The following GPC6 variants were observed in gnomAD, a reference collection of about 807,000 sequenced individuals.
GPC6 encodes the protein glypican-6.
In GPC6, 14 loss-of-function variants were observed where a neutral mutation model predicts 55.2. That is an observed-to-expected ratio of 0.25 (90% CI 0.17 to 0.40). The LOEUF (loss-of-function observed/expected upper bound fraction) is 0.40. Ranked by LOEUF, GPC6 falls within the 10% of genes least tolerant of loss-of-function variation. GPC6 has a pLI of 1.00. For synonymous variants in GPC6, 278 were observed against 259.6 expected (o/e 1.07, Z -0.68); for missense variants, 641 against 708.5 (o/e 0.90, Z 1.08).
intron 4 of GPC6, among the ~76,000 whole-genome samples, chr13:94,062,497 C>A (rs750555987): frequency 6.6e-6 from 1 of 152,006 alleles, no homozygotes; most frequent in Non-Finnish European, 1.5e-5. Flanking sequence ...GTGATCCACC[C>A]GCCTCGACCT....
intron 3 of GPC6, among the ~76,000 whole-genome samples, chr13:93,975,237 C>A (rs1351679132): frequency 6.6e-6 from 1 of 152,206 alleles, no homozygotes; most frequent in Admixed American, 6.5e-5. Flanking sequence ...TTTTTTTAAT[C>A]TATATTTTTT....
intron 1 of GPC6, among the ~76,000 whole-genome samples, chr13:93,430,630 G>C (rs1297169755): frequency 6.6e-6 from 1 of 152,150 alleles, no homozygotes; most frequent in African/African-American, 2.4e-5. Context: ...AGCACTGGCA[G>C]CCATACTGAG....
At chr13:93,567,188 T>C (rs1332935854) in intron 2 of GPC6, among the ~76,000 whole-genome samples, 3 of 152,130 alleles carry the variant, frequency 2.0e-5, no homozygotes, top group African/African-American at 7.2e-5. Context: ...TCAACAGTCG[T>C]ATTAACAATT....
chr13:94,327,131 C>A (rs1299568768), intron 6 of GPC6, among the ~76,000 whole-genome samples: 2 of 152,172 alleles, frequency 1.3e-5, no homozygotes, highest in Non-Finnish European at 2.9e-5. Context: ...TTATCTTTTT[C>A]TCCACATGTA....
intron 4 of GPC6, among the ~76,000 whole-genome samples, chr13:94,175,955 T>G (rs199634290): frequency 0.16 from 12,443 of 77,452 alleles, 579 homozygotes; most frequent in African/African-American, 0.17. Context: ...TATATATATA[T>G]AGAGAGAGAG....
At chr13:94,302,397 G>T (rs992983240) in intron 5 of GPC6, among the ~76,000 whole-genome samples, 4 of 152,062 alleles carry the variant, frequency 2.6e-5, no homozygotes, top group African/African-American at 9.7e-5. Flanking sequence ...ATTCTTGAGG[G>T]TAGAGCCTAA....
intron 2 of GPC6, among the ~76,000 whole-genome samples, chr13:93,603,216 T>C (rs1878099352): frequency 6.6e-6 from 1 of 152,018 alleles, no homozygotes; most frequent in Non-Finnish European, 1.5e-5. Context: ...ACTCTGTTGG[T>C]ATGCTGGTCT....
chr13:93,964,914 A>G (rs1566625524), intron 3 of GPC6, among the ~76,000 whole-genome samples: 1 of 152,294 alleles, frequency 6.6e-6, no homozygotes, highest in South Asian at 2.1e-4. Context: ...CATTCTACAC[A>G]TTGCAGAAAA....
chr13:93,501,396 A>T (rs1387387280), intron 1 of GPC6, among the ~76,000 whole-genome samples: 1 of 152,168 alleles, frequency 6.6e-6, no homozygotes, highest in Non-Finnish European at 1.5e-5. Flanking sequence ...TCTGTGAAGG[A>T]ATCAGGGCTT....
At chr13:93,450,788 C>T in intron 1 of GPC6, 8 of 716,014 alleles carry the variant, frequency 1.1e-5, no homozygotes, top group Non-Finnish European at 1.4e-5. Flanking sequence ...TATGAAAGAT[C>T]TTGTAAGCCA....
chr13:93,249,407 T>C (rs1157396557), intron 1 of GPC6, among the ~76,000 whole-genome samples: 2 of 152,256 alleles, frequency 1.3e-5, no homozygotes, highest in Admixed American at 1.3e-4. Flanking sequence ...TCTGTTGTTC[T>C]GAGTGTTTAG....
Position 93,948,204 on chromosome 13 carries a change from T to A in GPC6, c.712-79525T>A, listed in dbSNP as rs554808782. ...AAATAAAAATTTTAACTGTCAACTG[T>A]GTATTAAAAGAGCCCCCCATTAAAT... On this transcript the variant is annotated intron_variant, in intron 3 of 8. Transcript: ENST00000377047. Among the ~76,000 whole-genome samples, 10 of 152,298 alleles carry A rather than the reference T, an allele frequency of 6.6e-5. 1 individual carries two copies. The highest frequency in any genetic ancestry group is 1.9e-4 in the African/African-American group (8 of 41,578).
At chr13:94,230,715 G>A (rs144250456) in intron 4 of GPC6, among the ~76,000 whole-genome samples, 60 of 152,252 alleles carry the variant, frequency 3.9e-4, no homozygotes, top group African/African-American at 1.4e-3. Flanking sequence ...TGCAAAAAAT[G>A]TACCTAAAAG....
chr13:93,240,864 A>C (rs1175678458), intron 1 of GPC6, among the ~76,000 whole-genome samples: 1 of 152,226 alleles, frequency 6.6e-6, no homozygotes, highest in East Asian at 1.9e-4. Flanking sequence ...AGTTTGCTTT[A>C]CTGGGAGAGA....
At chr13:93,471,220 A>C (rs552711371) in intron 1 of GPC6, among the ~76,000 whole-genome samples, 2 of 151,954 alleles carry the variant, frequency 1.3e-5, no homozygotes, top group South Asian at 4.2e-4. Context: ...TTCTTTTCTT[A>C]TATAAGCATT....
intron 2 of GPC6, among the ~76,000 whole-genome samples, chr13:93,621,749 T>C (rs978554144): frequency 6.6e-6 from 1 of 152,186 alleles, no homozygotes; most frequent in Non-Finnish European, 1.5e-5. Flanking sequence ...GATGCAAATA[T>C]GTGTACATAT....
At chr13:94,130,346 A>G (rs1048643440) in intron 4 of GPC6, among the ~76,000 whole-genome samples, 8 of 152,144 alleles carry the variant, frequency 5.3e-5, no homozygotes, top group Non-Finnish European at 8.8e-5. Flanking sequence ...AACAGTTGTT[A>G]TATTTTATAC....
chr13:93,804,182 A>T (rs947367545), intron 2 of GPC6, among the ~76,000 whole-genome samples: 6 of 152,008 alleles, frequency 3.9e-5, no homozygotes, highest in Non-Finnish European at 4.4e-5. Context: ...GGAATTGAAT[A>T]AAAAAAATGG....
At chr13:93,242,431 C>T (rs1340670588) in intron 1 of GPC6, among the ~76,000 whole-genome samples, 2 of 152,136 alleles carry the variant, frequency 1.3e-5, no homozygotes, top group Non-Finnish European at 2.9e-5. Flanking sequence ...GGGCTCTACT[C>T]CTCTTGCAAG....
Sources: allele counts gnomAD v4.1 joint callset (sites outside exome capture counted in the v4.1 genomes callset), GRCh38; gene constraint gnomAD v4.1.1; transcripts MANE v1.5; gene names NCBI Gene and HGNC (gene_info 2026-07-23, HGNC 2026-07-21).